Variants in BRINP3 observed in about 807,000 individuals in gnomAD.
BRINP3 encodes the protein BMP/retinoic acid-inducible neural-specific protein 3.
A neutral mutation model predicts 71.0 loss-of-function variants in BRINP3; 19 were observed. The ratio of observed to expected loss-of-function variants is 0.27; its 90% confidence interval spans 0.19 to 0.39. The LOEUF (loss-of-function observed/expected upper bound fraction) is 0.39, where lower values mean the gene tolerates loss of function less well. Ranked by LOEUF, BRINP3 falls within the 10% of genes least tolerant of loss-of-function variation. BRINP3 has a pLI of 1.00. For missense variants in BRINP3, 959 were observed against 940.8 expected, an observed-to-expected ratio of 1.02 and a Z score of -0.25; for synonymous variants, 380 against 337.7, an observed-to-expected ratio of 1.13 and a Z score of -1.37.
chr1:190,453,588 G>T (rs1365426614), intron 2 of BRINP3, among the ~76,000 whole-genome samples: 1 of 152,094 alleles, frequency 6.6e-6, no homozygotes, highest in African/African-American at 2.4e-5. Flanking sequence ...TGACTGCATG[G>T]AATAAGGGAT....
At chr1:190,246,497 G>A (rs1359903942) in intron 4 of BRINP3, among the ~76,000 whole-genome samples, 2 of 151,276 alleles carry the variant, frequency 1.3e-5, no homozygotes, top group African/African-American at 4.9e-5. Flanking sequence ...ACACTAAAAT[G>A]CACCAAGTTA....
At chr1:190,389,112 A>C (rs1671088079) in intron 2 of BRINP3, among the ~76,000 whole-genome samples, 1 of 151,806 alleles carries the variant, frequency 6.6e-6, no homozygotes, top group Admixed American at 6.6e-5. Flanking sequence ...GACAAATTTT[A>C]TTTAGCAAAA....
At chr1:190,099,290 T>C (rs1404393212) in intron 7 of BRINP3, among the ~76,000 whole-genome samples, 156 bp from the exon 8 acceptor site, 1 of 105,970 alleles carries the variant, frequency 9.4e-6, no homozygotes, top group South Asian at 3.5e-4. Flanking sequence ...ATAATTAGAC[T>C]ATATAATACA....
intron 7 of BRINP3, among the ~76,000 whole-genome samples, chr1:190,135,785 G>A (rs1654921268): frequency 6.6e-6 from 1 of 152,094 alleles, no homozygotes; most frequent in Admixed American, 6.6e-5. Context: ...CATATTATCT[G>A]AATATTGCAG....
chr1:190,106,508 T>C (rs1557971687), intron 7 of BRINP3, among the ~76,000 whole-genome samples: 1 of 151,522 alleles, frequency 6.6e-6, no homozygotes, highest in Non-Finnish European at 1.5e-5. Context: ...TCATCCTTCA[T>C]AGATCTGTTC....
chr1:190,109,556 A>G (rs974215593), intron 7 of BRINP3, among the ~76,000 whole-genome samples: 2 of 152,234 alleles, frequency 1.3e-5, no homozygotes, highest in Non-Finnish European at 2.9e-5. Flanking sequence ...CTGGACAAGC[A>G]TCATTTCTGG....
chr1:190,189,780 T>C lies in BRINP3; in HGVS notation c.962-28890A>G, dbSNP rs186534964. 3.0e-3 allele frequency among the ~76,000 whole-genome samples: 453 copies of C among 152,304 alleles called. 3 individuals are homozygous for C. Among genetic ancestry groups the C allele is most frequent in the African/African-American group, 0.01 (428 of 41,582 alleles). ...CATTTCTTTAGGCCATATTATTTTG[T>C]CCATTTCATGATGTCATGTTTCCCT... On this transcript the variant is annotated intron_variant, in intron 6 of 7. Transcript: ENST00000367462.
intron 7 of BRINP3, among the ~76,000 whole-genome samples, chr1:190,159,062 C>T (rs532930439): frequency 1.3e-5 from 2 of 151,986 alleles, no homozygotes; most frequent in Non-Finnish European, 2.9e-5. Context: ...TTTGAATAGA[C>T]ATTTTTCCAT....
chr1:190,356,143 T>C (rs1571844951), intron 2 of BRINP3, among the ~76,000 whole-genome samples: 1 of 152,016 alleles, frequency 6.6e-6, no homozygotes, highest in African/African-American at 2.4e-5. Flanking sequence ...TGAACCATTT[T>C]AAATTTTAAT....
chr1:190,296,233 T>TA (rs199860856), intron 2 of BRINP3, among the ~76,000 whole-genome samples: 27 of 123,306 alleles, frequency 2.2e-4, no homozygotes, highest in South Asian at 7.6e-4. Context: ...CATTAAAAAT[T>TA]AAAAAAAAAC....
chr1:190,104,952 C>T (rs1571707916), intron 7 of BRINP3, among the ~76,000 whole-genome samples: 1 of 152,094 alleles, frequency 6.6e-6, no homozygotes, highest in African/African-American at 2.4e-5. Context: ...AAGATTAGCA[C>T]TTTTTTATGG....
At chr1:190,101,612 G>A (rs1651708647) in intron 7 of BRINP3, among the ~76,000 whole-genome samples, 1 of 150,108 alleles carries the variant, frequency 6.7e-6, no homozygotes, top group Admixed American at 6.6e-5. Context: ...TCCTGTTTTT[G>A]CTTCTTTATT....
At chr1:190,149,326 G>A (rs1389330124) in intron 7 of BRINP3, among the ~76,000 whole-genome samples, 1 of 152,172 alleles carries the variant, frequency 6.6e-6, no homozygotes, top group Non-Finnish European at 1.5e-5. Flanking sequence ...TACATGTGAT[G>A]AATTGTGATT....
At chr1:190,302,454 A>G (rs1049431255) in intron 2 of BRINP3, among the ~76,000 whole-genome samples, 1 of 151,648 alleles carries the variant, frequency 6.6e-6, no homozygotes, top group Admixed American at 6.6e-5. Flanking sequence ...ATTTAAAATG[A>G]TAATAAAAAT....
At chr1:190,473,465 A>C (rs956081557) in intron 1 of BRINP3, among the ~76,000 whole-genome samples, 1 of 151,956 alleles carries the variant, frequency 6.6e-6, no homozygotes, top group Non-Finnish European at 1.5e-5. Context: ...AATTTAAATA[A>C]TACAATTTCT....
rs561092597 is a variant in BRINP3, at chr1:190,227,929, G to C, written c.725-1611C>G. Among the ~76,000 whole-genome samples, 19 of 151,974 alleles carry C rather than the reference G, an allele frequency of 1.3e-4. No individual in the cohort carries two copies. In the East Asian group the frequency reaches 3.1e-3, roughly 25 times the overall value. On this transcript the variant is annotated intron_variant, in intron 5 of 7. Transcript: ENST00000367462. Reference sequence around the variant, plus strand: ...TTAATTTTACCATGTGGGATACTAAGAGTGGTACCCATTTGGAAGTAGAAG... The same window carrying C: ...TTAATTTTACCATGTGGGATACTAACAGTGGTACCCATTTGGAAGTAGAAG...
chr1:190,257,361 A>G (rs1433664856), intron 4 of BRINP3, among the ~76,000 whole-genome samples: 1 of 151,978 alleles, frequency 6.6e-6, no homozygotes, highest in African/African-American at 2.4e-5. Context: ...TCTTCTCTAC[A>G]CTGTTTATTC....
intron 2 of BRINP3, among the ~76,000 whole-genome samples, chr1:190,447,278 C>CTA (rs1675282807): frequency 7.6e-6 from 1 of 132,002 alleles, no homozygotes; most frequent in Non-Finnish European, 1.6e-5. Context: ...GACTATTACC[C>CTA]TATATATATA....
chr1:190,282,706 A>G, intron 2 of BRINP3, among the ~76,000 whole-genome samples: 1 of 152,186 alleles, frequency 6.6e-6, no homozygotes, highest in East Asian at 1.9e-4. Context: ...TCTACTGATG[A>G]GACCCACACT....
Sources: allele counts gnomAD v4.1 joint callset (sites outside exome capture counted in the v4.1 genomes callset), GRCh38; gene constraint gnomAD v4.1.1; transcripts MANE v1.5; gene names NCBI Gene and HGNC (gene_info 2026-07-23, HGNC 2026-07-21).